LSM2: variants seen among roughly 807,000 people sequenced by gnomAD.
The protein encoded by LSM2 is LSM2 homolog, U6 small nuclear RNA and mRNA degradation associated.
A neutral mutation model predicts 17.0 loss-of-function variants in LSM2; 12 were observed. The observed-to-expected ratio is 0.70, with a 90% CI of 0.45 to 1.14. The LOEUF (loss-of-function observed/expected upper bound fraction) is 1.14, where lower values mean the gene tolerates loss of function less well. Among genes scored for constraint, LSM2 ranks in the 50% most tolerant of loss-of-function variants. The probability of loss-of-function intolerance (pLI) is 0.00; values close to 1 mark genes in which losing one functional copy is unlikely to be tolerated. For synonymous variants in LSM2, 42 were observed against 44.5 expected (o/e 0.94, Z 0.22); for missense variants, 62 against 111.8 (o/e 0.55, Z 2.01).
intron 2 of LSM2, among the ~76,000 whole-genome samples, chr6:31,802,004 G>A (rs11964923): frequency 0.018 from 2,698 of 151,762 alleles, 68 homozygotes; most frequent in African/African-American, 0.061. Context: ...TAAAAAGGCC[G>A]GGTGCAGTGG....
intron 3 of LSM2, 35 bp from the exon 4 acceptor site, chr6:31,798,084 A>ATTT (rs9279422): frequency 1.4e-5 from 17 of 1,239,968 alleles, no homozygotes; most frequent in African/African-American, 6.1e-5. Flanking sequence ...TATTATTATT[A>ATTT]TTTTTTTTTT....
In LSM2 at chr6:31,806,790, G is replaced by C. The variant is rs771567458; in HGVS notation, c.-33C>G. The C allele has an allele frequency of 8.1e-6, 13 of 1,607,346 alleles. No homozygotes were observed. The highest frequency in any genetic ancestry group is 1.7e-4 in the Middle Eastern group (1 of 6,016). ...GCGCCGCGGGCAGCGGGCCGGACCG[G>C]GAAGACAGCAGGGTGCTGCGAGCAG... On this transcript the variant is annotated 5_prime_UTR_variant, in exon 1 of 5. Coordinates refer to ENST00000375661, the MANE Select transcript of LSM2 (RefSeq NM_021177.5).
At chr6:31,800,744 G>A (rs533070321) in intron 2 of LSM2, among the ~76,000 whole-genome samples, 6 of 152,164 alleles carry the variant, frequency 3.9e-5, no homozygotes, top group Non-Finnish European at 7.4e-5. Context: ...AAAATTAGCC[G>A]GGCATGGTGG....
Position 31,806,924 on chromosome 6 carries a change from G to T in LSM2, c.-167C>A. ...AAGCGCTGACGGGCAAAGCGCGGCCGACTTGCGGCTGGGGAGCGCAAGCTG... is the reference window on the plus strand; with the variant it reads ...AAGCGCTGACGGGCAAAGCGCGGCCTACTTGCGGCTGGGGAGCGCAAGCTG... On this transcript the variant is annotated 5_prime_UTR_variant, in exon 1 of 5. Transcript: ENST00000375661. 1.1e-6 allele frequency: 1 copy of T among 901,868 alleles called. No individual in the cohort carries two copies. Among genetic ancestry groups the T allele is most frequent in the Non-Finnish European group, 1.6e-6 (1 of 611,632 alleles). The allele number at this position is 901,868 out of a possible 1,614,324, so 55.9% of individuals were successfully genotyped here.
At chr6:31,806,243 G>A in intron 1 of LSM2, 101 bp from the exon 2 acceptor site, 18 of 1,085,022 alleles carry the variant, frequency 1.7e-5, no homozygotes, top group Non-Finnish European at 2.5e-5. Context: ...GAACCCCACT[G>A]CATCCCTGAC....
chr6:31,803,636 A>G lies in LSM2; in HGVS notation c.71+2439T>C, dbSNP rs76523025. Among the ~76,000 whole-genome samples, 567 of 150,582 alleles carry G rather than the reference A, an allele frequency of 3.8e-3. 1 individual carries two copies. Among genetic ancestry groups the G allele is most frequent in the African/African-American group, 0.013 (522 of 40,896 alleles). On this transcript the variant is annotated intron_variant, in intron 2 of 4. Transcript: ENST00000375661. ...CAGTCTGTCGCCCAGGCTGGAGTGC[A>G]GTGGCCTGATCTCAGCTCACTACAA... is the stretch of plus-strand genomic sequence containing the variant.
At chr6:31,806,650 A>T (rs1403076342) in intron 1 of LSM2, 105 bp downstream of exon 1, 2 of 1,424,184 alleles carry the variant, frequency 1.4e-6, no homozygotes, top group Non-Finnish European at 1.9e-6. Flanking sequence ...AGATGAAGAT[A>T]AAAACTCCGG....
At chr6:31,801,989 T>C (rs1814738500) in intron 2 of LSM2, among the ~76,000 whole-genome samples, 1 of 151,306 alleles carries the variant, frequency 6.6e-6, no homozygotes, top group South Asian at 2.1e-4. Flanking sequence ...ATTTTAAAAA[T>C]AATATAAAAA....
At chr6:31,799,289 T>C (rs1581674445) in intron 2 of LSM2, among the ~76,000 whole-genome samples, 1 of 151,978 alleles carries the variant, frequency 6.6e-6, no homozygotes, top group East Asian at 1.9e-4. Flanking sequence ...AAGGCTGGAG[T>C]GAAATGGCGT....
At chr6:31,798,369 G>T in intron 3 of LSM2, 108 bp downstream of exon 3, 2 of 1,372,016 alleles carry the variant, frequency 1.5e-6, no homozygotes, top group Non-Finnish European at 2.0e-6. Flanking sequence ...ACCGTGCCTG[G>T]CCGACGAACA....
intron 2 of LSM2, 138 bp from the exon 3 acceptor site, chr6:31,798,645 G>C (rs1023612068): frequency 7.9e-6 from 7 of 880,686 alleles, no homozygotes; most frequent in Middle Eastern, 2.3e-4. Context: ...AACCAAAAGG[G>C]GGCATTCCTA....
At chr6:31,806,440 C>G in intron 1 of LSM2, 1 of 602,260 alleles carries the variant, frequency 1.7e-6, no homozygotes, top group Non-Finnish European at 2.9e-6. Flanking sequence ...CCACTCCTTT[C>G]AATGAATTGT....
intron 2 of LSM2, among the ~76,000 whole-genome samples, chr6:31,805,585 G>T (rs1420744537): frequency 6.6e-6 from 1 of 151,260 alleles, no homozygotes; most frequent in Admixed American, 6.6e-5. Flanking sequence ...GGCTGGTCTT[G>T]AACTCCTGAC....
chr6:31,799,673 T>G (rs1814585077), intron 2 of LSM2, among the ~76,000 whole-genome samples: 1 of 130,796 alleles, frequency 7.6e-6, no homozygotes, highest in Non-Finnish European at 1.6e-5. Flanking sequence ...TTTTTTTTTG[T>G]AGAGAAAGGG....
chr6:31,797,419 G>C lies in LSM2; in HGVS notation c.*338C>G, dbSNP rs191562976. On this transcript the variant is annotated 3_prime_UTR_variant, in exon 5 of 5. Coordinates refer to ENST00000375661, the MANE Select transcript of LSM2 (RefSeq NM_021177.5). ...AATTTGCATCATAAATTTTATTCCCGATGCGGGACAGATTCCTTCCATCCC... is the reference window on the plus strand; with the variant it reads ...AATTTGCATCATAAATTTTATTCCCCATGCGGGACAGATTCCTTCCATCCC... 1.6e-5 allele frequency: 4 copies of C among 256,902 alleles called. No homozygotes were observed. The highest frequency in any genetic ancestry group is 2.2e-5 in the Non-Finnish European group (3 of 134,404). 15.9% of individuals were successfully genotyped at this position (256,902 alleles called of 1,614,324 possible). A position where few individuals can be genotyped will look rare whatever the true frequency, so the allele number is the denominator to read the frequency against.
Position 31,806,152 on chromosome 6 carries a change from G to C in LSM2, c.4-10C>G, listed in dbSNP as rs992645671. 1.2e-6 allele frequency: 2 copies of C among 1,612,560 alleles called. No individual in the cohort carries two copies. Among genetic ancestry groups the C allele is most frequent in the Middle Eastern group, 1.7e-4 (1 of 6,056 alleles). On this transcript the variant is annotated splice_polypyrimidine_tract_variant and intron_variant, in intron 1 of 4. Coordinates refer to ENST00000375661, the MANE Select transcript of LSM2 (RefSeq NM_021177.5). The stretch of plus-strand genomic sequence containing the variant: ...AAAAAGAATAGAAGAGCTATTGGGA[G>C]AGAGGGGGAAAACCATCATGTGGGA...
intron 3 of LSM2, 35 bp from the exon 4 acceptor site, chr6:31,798,084 ATTTT>A (rs9279422): frequency 6.5e-6 from 8 of 1,239,516 alleles, no homozygotes; most frequent in African/African-American, 4.5e-5. Flanking sequence ...TATTATTATT[ATTTT>A]TTTTTTTTTG....
At chr6:31,806,265 T>G (rs1815030148) in intron 1 of LSM2, 123 bp from the exon 2 acceptor site, 5 of 908,552 alleles carry the variant, frequency 5.5e-6, no homozygotes, top group Non-Finnish European at 8.6e-6. Flanking sequence ...GTTCTCAAAA[T>G]TTCACAGGAA....
At chr6:31,804,678 C>T (rs866892367) in intron 2 of LSM2, among the ~76,000 whole-genome samples, 8 of 151,906 alleles carry the variant, frequency 5.3e-5, no homozygotes, top group Middle Eastern at 3.4e-3. Flanking sequence ...CTCTTGACCT[C>T]GTGATCCACC....
Sources: allele counts gnomAD v4.1 joint callset (sites outside exome capture counted in the v4.1 genomes callset), GRCh38; gene constraint gnomAD v4.1.1; transcripts MANE v1.5; gene names NCBI Gene and HGNC (gene_info 2026-07-23, HGNC 2026-07-21).